Variants in RANBP2 observed in about 807,000 individuals in gnomAD.
RANBP2 encodes the protein E3 SUMO-protein ligase RanBP2.
A neutral mutation model predicts 303.6 loss-of-function variants in RANBP2; 57 were observed. That is an observed-to-expected ratio of 0.19 (90% CI 0.15 to 0.23). RANBP2 has a LOEUF of 0.23. RANBP2 is among the 10% of genes least tolerant of loss of function. RANBP2 has a pLI of 1.00. For synonymous variants in RANBP2, 1,167 were observed against 1,301.5 expected (o/e 0.90, Z 2.23); for missense variants, 3,138 against 3,780.8 (o/e 0.83, Z 4.46).
At chr2:109,074,613 T>C in the RANBP2 span, among the ~76,000 whole-genome samples, 5 of 149,400 alleles carry the variant, frequency 3.3e-5, 1 homozygote, top group Non-Finnish European at 7.5e-5. Context: ...AGGCAGAGAA[T>C]AGCTTGAACC....
the RANBP2 span, among the ~76,000 whole-genome samples, chr2:109,499,201 G>A: frequency 6.6e-6 from 1 of 152,264 alleles, no homozygotes; most frequent in East Asian, 1.9e-4. Context: ...CCAGAGCCGC[G>A]GGGGCCGTGT....
chr2:109,130,317 C>T, the RANBP2 span, among the ~76,000 whole-genome samples: 1 of 152,246 alleles, frequency 6.6e-6, no homozygotes, highest in Non-Finnish European at 1.5e-5. Context: ...ACGTGTGTCC[C>T]ATCCTCCTGT....
the RANBP2 span, among the ~76,000 whole-genome samples, chr2:109,539,027 C>T: frequency 6.6e-6 from 1 of 152,020 alleles, no homozygotes; most frequent in African/African-American, 2.4e-5. Context: ...TGGCTGGGAG[C>T]GGTGGTTCAC....
chr2:108,956,634 G>A, the RANBP2 span, among the ~76,000 whole-genome samples: 2 of 152,320 alleles, frequency 1.3e-5, no homozygotes, highest in Non-Finnish European at 2.9e-5. Context: ...ATTATGGGCA[G>A]TTCCTTCCAT....
chr2:109,369,192 A>AG, the RANBP2 span, among the ~76,000 whole-genome samples: 6 of 151,846 alleles, frequency 4.0e-5, no homozygotes, highest in Admixed American at 6.6e-5. Flanking sequence ...AAAAAAAAAA[A>AG]AAAAAATTAG....
rs748226800 is a variant in RANBP2 at position 108,751,374 on chromosome 2, C to T, written c.1384C>T (p.His462Tyr). ...GIRKWLKQLF[H>Y]HLPHETSRLE... ...CCGAAAATGGCTAAAACAGCTTTTC[C>T]ATCATTTGCCCCATGAAACCTCAAG... The change falls in exon 10 of 29, where the codon CAT becomes TAT. Residue 462 changes from histidine to tyrosine, a missense_variant. His to Tyr is a moderately conservative substitution (Grantham distance 83). Coordinates refer to ENST00000283195, the MANE Select transcript of RANBP2 (RefSeq NM_006267.5). 8.7e-6 allele frequency: 14 copies of T among 1,611,876 alleles called. No individual in the cohort carries two copies. Among genetic ancestry groups the T allele is most frequent in the Admixed American group, 8.3e-5 (5 of 59,986 alleles).
chr2:108,975,785 C>T, the RANBP2 span, among the ~76,000 whole-genome samples: 7 of 152,184 alleles, frequency 4.6e-5, no homozygotes, highest in Middle Eastern at 6.8e-3. Flanking sequence ...AGGCTCCGTG[C>T]GGCATCAGGA....
the RANBP2 span, among the ~76,000 whole-genome samples, chr2:109,430,901 G>A: frequency 6.6e-6 from 1 of 152,188 alleles, no homozygotes; most frequent in Non-Finnish European, 1.5e-5. Context: ...ATGTCCCTAG[G>A]AGGAGGGCAT....
At chr2:109,592,777 C>T in the RANBP2 span, among the ~76,000 whole-genome samples, 2 of 144,620 alleles carry the variant, frequency 1.4e-5, no homozygotes, top group East Asian at 4.0e-4. Context: ...AAGACTCTGT[C>T]TAAAAAAAAA....
the RANBP2 span, among the ~76,000 whole-genome samples, chr2:108,836,617 G>T: frequency 6.6e-6 from 1 of 152,158 alleles, no homozygotes; most frequent in Non-Finnish European, 1.5e-5. Context: ...AGGGATTTTG[G>T]TAGAGATGAC....
the RANBP2 span, among the ~76,000 whole-genome samples, chr2:109,024,807 A>G: frequency 6.6e-6 from 1 of 152,248 alleles, no homozygotes; most frequent in Non-Finnish European, 1.5e-5. Flanking sequence ...TTGTTTATCT[A>G]AATATTTTAA....
chr2:109,574,885 G>T, the RANBP2 span: 3 of 583,168 alleles, frequency 5.1e-6, no homozygotes, highest in Non-Finnish European at 7.9e-6. Context: ...TAATATCTAT[G>T]CTGAACAGAT....
the RANBP2 span, among the ~76,000 whole-genome samples, chr2:109,462,868 G>A: frequency 6.6e-6 from 1 of 152,212 alleles, no homozygotes; most frequent in African/African-American, 2.4e-5. Flanking sequence ...CTGACTGGCA[G>A]ACCATAGTGA....
At chr2:109,100,722 G>T in the RANBP2 span, among the ~76,000 whole-genome samples, 1,636 of 151,900 alleles carry the variant, frequency 0.011, 30 homozygotes, top group African/African-American at 0.036. Context: ...GCTTGAAAAA[G>T]AATTGAAGTT....
the RANBP2 span, among the ~76,000 whole-genome samples, chr2:109,066,682 TC>T: frequency 1.3e-5 from 2 of 152,070 alleles, no homozygotes; most frequent in Non-Finnish European, 2.9e-5. Flanking sequence ...TGTCACTCAG[TC>T]CCCTGGGGAA....
At position 108,763,855 on chromosome 2, in the gene RANBP2, G is replaced by T. The variant is rs1472209376; in HGVS notation, c.3316G>T (p.Val1106Leu). The T allele has an allele frequency of 1.2e-6, 2 of 1,614,046 alleles. No homozygotes were observed. Among genetic ancestry groups the T allele is most frequent in the Non-Finnish European group, 1.7e-6 (2 of 1,179,984 alleles). ...RNTFNFGSKN[V>L]SGISFTENMG... is the part of the protein sequence containing the mutation. ...TACATTCAATTTTGGAAGCAAAAAT[G>T]TGTCTGGAATTTCATTTACAGAAAA... Residue 1106 changes from valine to leucine, a missense_variant, in exon 20 of 29, where the codon GTG becomes TTG. Around this residue, in one of 20 missense-constraint regions of RANBP2, gnomAD observed 403 missense variants for 376.7 expected, o/e 1.07. Transcript: ENST00000283195.
chr2:109,122,706 C>T, the RANBP2 span, among the ~76,000 whole-genome samples: 2 of 151,954 alleles, frequency 1.3e-5, no homozygotes, highest in African/African-American at 4.8e-5. Flanking sequence ...CTAGTCTCTA[C>T]AAAAATTAAA....
chr2:109,163,825 C>T, the RANBP2 span, among the ~76,000 whole-genome samples: 1 of 152,202 alleles, frequency 6.6e-6, no homozygotes, highest in Non-Finnish European at 1.5e-5. Context: ...TCCCTCCAAA[C>T]AATGTGTTTT....
the RANBP2 span, among the ~76,000 whole-genome samples, chr2:109,291,082 T>C: frequency 6.6e-6 from 1 of 152,278 alleles, no homozygotes; most frequent in African/African-American, 2.4e-5. Flanking sequence ...CATAGCTTCC[T>C]TGACCCCAAA....
Sources: gnomAD v4.1 joint callset for allele counts (sites outside exome capture counted in the v4.1 genomes callset) on GRCh38, gnomAD v4.1.1 for gene constraint, gnomAD v4.1.1 regional missense constraint, MANE v1.5 for transcripts, NCBI Gene and HGNC (gene_info 2026-07-23, HGNC 2026-07-21) for gene names.